Variants in ZDHHC19 observed in about 807,000 individuals in gnomAD.
ZDHHC19 encodes the protein palmitoyltransferase ZDHHC19.
ZDHHC19 carries 30 observed loss-of-function variants against 33.9 expected under a neutral mutation model. That is an observed-to-expected ratio of 0.88 (90% CI 0.66 to 1.20). The LOEUF (loss-of-function observed/expected upper bound fraction) is 1.20. ZDHHC19 is among the 50% of genes most tolerant of loss of function. The probability of loss-of-function intolerance (pLI) is 0.00; values close to 1 mark genes in which losing one functional copy is unlikely to be tolerated. For synonymous variants in ZDHHC19, 178 were observed against 167.6 expected (o/e 1.06, Z -0.48); for missense variants, 364 against 401.1 (o/e 0.91, Z 0.79).
At chr3:196,206,738 T>C (rs1445973387) in intron 5 of ZDHHC19, among the ~76,000 whole-genome samples, 1 of 118,598 alleles carries the variant, frequency 8.4e-6, no homozygotes, top group Non-Finnish European at 1.7e-5. Flanking sequence ...CTGGAGTGCA[T>C]GGTACGATCT....
chr3:196,202,282 T>C (rs1722414987), intron 5 of ZDHHC19: 1 of 151,604 alleles, frequency 6.6e-6, no homozygotes, highest in Non-Finnish European at 1.5e-5. Context: ...GGTGACGCCA[T>C]TGCACTCCAG....
intron 5 of ZDHHC19, 38 bp from the exon 6 acceptor site, chr3:196,198,912 C>A (rs1936192793): frequency 6.2e-7 from 1 of 1,601,842 alleles, no homozygotes; most frequent in Admixed American, 1.7e-5. Context: ...AGCTCAGAAC[C>A]AGCAGGAATG....
At position 196,197,700 on chromosome 3, in the gene ZDHHC19, A is replaced by C. The variant is rs549294627; in HGVS notation, c.*45T>G. 2.0e-5 allele frequency: 3 copies of C among 152,712 alleles called. No homozygotes were observed. Among genetic ancestry groups the C allele is most frequent in the African/African-American group, 7.2e-5 (3 of 41,562 alleles). The allele number at this position is 152,712 out of a possible 1,614,324, so 9.5% of individuals were successfully genotyped here. A position where few individuals can be genotyped will look rare whatever the true frequency, so the allele number is the denominator to read the frequency against. ...CTCGCCTGGGGGCTCCTGCAGCAGC[A>C]GGGGCAGCACTGGGCCCGTGTGGAA... On this transcript the variant is annotated 3_prime_UTR_variant, in exon 8 of 8. Coordinates refer to ENST00000296326, the MANE Select transcript of ZDHHC19 (RefSeq NM_001039617.2). This position sits in a 1 kb window ranked among gnomAD's most constrained non-coding sequence, Gnocchi z 4.4.
At chr3:196,208,097 G>A (rs762694456) in intron 4 of ZDHHC19, among the ~76,000 whole-genome samples, 1 of 151,748 alleles carries the variant, frequency 6.6e-6, no homozygotes, top group Admixed American at 6.6e-5. Flanking sequence ...TAGAGACGGG[G>A]TCTATGTTGC....
Position 196,200,356 on chromosome 3 carries a change from AT to A in ZDHHC19, c.688-1483del, listed in dbSNP as rs1275647511. Among the ~76,000 whole-genome samples the A allele has an allele frequency of 6.5e-4, 39 of 59,946 alleles. 2 individuals are homozygous for A. Among genetic ancestry groups the A allele is most frequent in the African/African-American group, 2.1e-3 (35 of 16,826 alleles). The allele number at this position is 59,946 out of a possible 152,430, so 39.3% of individuals were successfully genotyped here. On this transcript the variant is annotated intron_variant, in intron 5 of 7. Coordinates refer to ENST00000296326, the MANE Select transcript of ZDHHC19 (RefSeq NM_001039617.2). ...TATATATATATATGTATATATATAT[AT>A]AATTTTTTTTTTTTTGAGATGGAGT...
intron 5 of ZDHHC19, among the ~76,000 whole-genome samples, chr3:196,200,408 G>A (rs1288303857): frequency 0.011 from 1,622 of 144,114 alleles, 48 homozygotes; most frequent in African/African-American, 0.039. Context: ...AGGCTGGAGT[G>A]CAGTGGCGCG....
In ZDHHC19 at chr3:196,211,400, C is replaced by T; in HGVS notation, c.-85G>A. On this transcript the variant is annotated 5_prime_UTR_variant, in exon 1 of 8. Transcript: ENST00000296326. Reference sequence around the variant, plus strand: ...AGCTTCCAGAGCTCCATGGCCACGGCAGCCTCAGAGCCGCAGCCCAGGGTG... The same window carrying T: ...AGCTTCCAGAGCTCCATGGCCACGGTAGCCTCAGAGCCGCAGCCCAGGGTG... 6.7e-7 allele frequency: 1 copy of T among 1,482,472 alleles called. No homozygotes were observed. Among genetic ancestry groups the T allele is most frequent in the Non-Finnish European group, 9.1e-7 (1 of 1,102,992 alleles). 91.8% of individuals were successfully genotyped at this position (1,482,472 alleles called of 1,614,324 possible). A position where few individuals can be genotyped will look rare whatever the true frequency, so the allele number is the denominator to read the frequency against.
rs944188562 is a variant in ZDHHC19 at position 196,200,232 on chromosome 3, G to A, written c.688-1358C>T. Reference sequence around the variant, plus strand: ...CGAGGCTGCAGTGAGCTATGATTACGCCACTGCACTCCAGCCTGAATGACA... The same window carrying A: ...CGAGGCTGCAGTGAGCTATGATTACACCACTGCACTCCAGCCTGAATGACA... On this transcript the variant is annotated intron_variant, in intron 5 of 7. Coordinates refer to ENST00000296326, the MANE Select transcript of ZDHHC19 (RefSeq NM_001039617.2). Among the ~76,000 whole-genome samples, 19 of 150,714 alleles carry A rather than the reference G, an allele frequency of 1.3e-4. 1 individual carries two copies. The highest frequency in any genetic ancestry group is 2.9e-4 in the African/African-American group (12 of 40,834).
intron 5 of ZDHHC19, among the ~76,000 whole-genome samples, chr3:196,205,926 A>G (rs746128137): frequency 1.3e-5 from 2 of 151,766 alleles, no homozygotes; most frequent in African/African-American, 4.8e-5. Flanking sequence ...CGGCCTCCCA[A>G]AGTGCTGGGA....
chr3:196,198,443 G>T lies in ZDHHC19; in HGVS notation c.782C>A (p.Ala261Asp). 4.4e-6 allele frequency: 7 copies of T among 1,575,410 alleles called. No individual in the cohort carries two copies. The highest frequency in any genetic ancestry group is 6.0e-6 in the Non-Finnish European group (7 of 1,160,896). ...CACTCTCTGCAGCTGGACAGCTTCA[G>T]CCATGTACCTGGGGAGCAGCAGGCC... ...ICAPLGPKYMAEAVQLQRVVG... is the reference protein window; with the variant it reads ...ICAPLGPKYMDEAVQLQRVVG... Residue 261 changes from alanine (A) to aspartate (D), a missense_variant, in exon 7 of 8, where the codon GCT (alanine) becomes GAT (aspartate). Coordinates refer to ENST00000296326, the MANE Select transcript of ZDHHC19 (RefSeq NM_001039617.2).
Position 196,207,741 on chromosome 3 carries a change from G to GA in ZDHHC19, c.582-239_582-238insT. ...CGCCCCGAGCCCCGCCCCGCCCCTGGCCCCGCCCCTCAGGCCCGACTCCGC... is the reference window on the plus strand; with the variant it reads ...CGCCCCGAGCCCCGCCCCGCCCCTGGACCCCGCCCCTCAGGCCCGACTCCGC... On this transcript the variant is annotated intron_variant, in intron 4 of 7. Coordinates refer to ENST00000296326, the MANE Select transcript of ZDHHC19 (RefSeq NM_001039617.2). Among the ~76,000 whole-genome samples the GA allele has an allele frequency of 1.4e-4, 2 of 14,230 alleles. 1 individual carries two copies. Among genetic ancestry groups the GA allele is most frequent in the African/African-American group, 7.7e-4 (2 of 2,586 alleles). 9.3% of individuals were successfully genotyped at this position (14,230 alleles called of 152,430 possible).
Position 196,208,830 on chromosome 3 carries a change from C to T in ZDHHC19, c.409-270G>A, listed in dbSNP as rs778967511. On this transcript the variant is annotated intron_variant, in intron 3 of 7. Coordinates refer to ENST00000296326, the MANE Select transcript of ZDHHC19 (RefSeq NM_001039617.2). Reference sequence around the variant, plus strand: ...CTGGCCTTCTGTGAGACACATCCTACTGTAACTCTGGGCAGAACGTAAACC... The same window carrying T: ...CTGGCCTTCTGTGAGACACATCCTATTGTAACTCTGGGCAGAACGTAAACC... 60 of 478,082 alleles carry T rather than the reference C, an allele frequency of 1.3e-4. 1 individual carries two copies. The highest frequency in any genetic ancestry group is 7.2e-5 in the Admixed American group (2 of 27,662). The allele number at this position is 478,082 out of a possible 1,614,324, so 29.6% of individuals were successfully genotyped here.
chr3:196,210,236 GGAAA>G (rs1247680456), intron 2 of ZDHHC19, among the ~76,000 whole-genome samples: 6 of 105,944 alleles, frequency 5.7e-5, no homozygotes, highest in Admixed American at 1.1e-4. Flanking sequence ...AAGGAAAGAA[GGAAA>G]GAAAGAAAGA....
intron 2 of ZDHHC19, among the ~76,000 whole-genome samples, chr3:196,210,411 GAGGA>G (rs1177138529): frequency 8.2e-6 from 1 of 121,688 alleles, no homozygotes; most frequent in African/African-American, 3.6e-5. Context: ...GGGAGAGAGA[GAGGA>G]AGGAAGGAAA....
intron 4 of ZDHHC19, 135 bp downstream of exon 4, chr3:196,208,253 G>C (rs12494866): frequency 0.014 from 3,462 of 246,718 alleles, no homozygotes; most frequent in South Asian, 0.053. Flanking sequence ...CCCCGACCCC[G>C]CCCACCTCAC....
intron 5 of ZDHHC19, among the ~76,000 whole-genome samples, chr3:196,201,949 T>C (rs11915002): frequency 0.32 from 49,275 of 151,988 alleles, 8,798 homozygotes; most frequent in African/African-American, 0.46. Context: ...TTTTGTCTTT[T>C]CGTCCCTCCC....
intron 3 of ZDHHC19, 45 bp downstream of exon 3, chr3:196,209,331 C>G (rs754918070): frequency 1.1e-5 from 17 of 1,554,680 alleles, no homozygotes; most frequent in Non-Finnish European, 1.5e-5. Flanking sequence ...CTGGTCCCAG[C>G]CAGATGTGGG....
At chr3:196,200,574 T>C (rs1553817703) in intron 5 of ZDHHC19, among the ~76,000 whole-genome samples, 2 of 150,552 alleles carry the variant, frequency 1.3e-5, no homozygotes, top group Non-Finnish European at 1.5e-5. Context: ...CAGGATGGTC[T>C]CGATCTCCTG....
At chr3:196,198,768 G>A (rs567099190) in intron 6 of ZDHHC19, 21 bp downstream of exon 6, 4 of 1,612,966 alleles carry the variant, frequency 2.5e-6, no homozygotes, top group South Asian at 1.1e-5. Flanking sequence ...CACCAGTTGG[G>A]CCTCTGGCTT....
Sources: allele counts gnomAD v4.1 joint callset (sites outside exome capture counted in the v4.1 genomes callset), GRCh38; gene constraint gnomAD v4.1.1; non-coding constraint Gnocchi (gnomAD v3.1); transcripts MANE v1.5; gene names NCBI Gene and HGNC (gene_info 2026-07-23, HGNC 2026-07-21).